Variants in KCNQ3 observed in about 807,000 individuals in gnomAD.
KCNQ3 encodes potassium voltage-gated channel subfamily KQT member 3.
KCNQ3 carries 30 observed loss-of-function variants against 92.5 expected under a neutral mutation model. The observed-to-expected ratio is 0.32, with a 90% confidence interval of 0.24 to 0.44. KCNQ3 has a LOEUF of 0.44. KCNQ3 is among the 20% of genes least tolerant of loss of function. The probability of loss-of-function intolerance (pLI) is 1.00; values close to 1 mark genes in which losing one functional copy is unlikely to be tolerated. For synonymous variants in KCNQ3, 450 were observed against 468.8 expected (o/e 0.96, Z 0.52); for missense variants, 913 against 1,140.3 (o/e 0.80, Z 2.87).
intron 1 of KCNQ3, among the ~76,000 whole-genome samples, chr8:132,257,567 A>C (rs1815629091): frequency 6.6e-6 from 1 of 151,940 alleles, no homozygotes; most frequent in Non-Finnish European, 1.5e-5. Context: ...AACATGGTGA[A>C]ACCCCATCTC....
intron 1 of KCNQ3, among the ~76,000 whole-genome samples, chr8:132,195,489 A>G (rs968265555): frequency 2.0e-5 from 3 of 152,246 alleles, no homozygotes; most frequent in Non-Finnish European, 4.4e-5. Context: ...GGAAAGAGGC[A>G]GCAAGAGCTG....
At chr8:132,218,857 G>A (rs941968521) in intron 1 of KCNQ3, among the ~76,000 whole-genome samples, 12 of 152,150 alleles carry the variant, frequency 7.9e-5, no homozygotes, top group East Asian at 3.9e-4. Context: ...AGAAACACAT[G>A]GAGGCCCAGT....
At chr8:132,359,091 T>C (rs1164174105) in intron 1 of KCNQ3, among the ~76,000 whole-genome samples, 1 of 152,202 alleles carries the variant, frequency 6.6e-6, no homozygotes, top group African/African-American at 2.4e-5. Flanking sequence ...ATATCCTCAT[T>C]TCCTTATCTG....
At chr8:132,427,707 C>G (rs555077546) in intron 1 of KCNQ3, among the ~76,000 whole-genome samples, 1 of 152,290 alleles carries the variant, frequency 6.6e-6, no homozygotes, top group South Asian at 2.1e-4. Flanking sequence ...CCAGAATTAC[C>G]TGGTGAGGTG....
At chr8:132,438,649 TG>T (rs552873166) in intron 1 of KCNQ3, among the ~76,000 whole-genome samples, 104 of 152,044 alleles carry the variant, frequency 6.8e-4, no homozygotes, top group African/African-American at 2.4e-3. Flanking sequence ...AGCCCTGGCT[TG>T]GGTGGTCTGG....
intron 1 of KCNQ3, among the ~76,000 whole-genome samples, chr8:132,459,758 C>A (rs1370077884): frequency 6.7e-6 from 1 of 148,780 alleles, no homozygotes; most frequent in African/African-American, 2.5e-5. Flanking sequence ...TTTTAATTCC[C>A]TTTTCATACC....
chr8:132,270,943 G>A (rs1017734480), intron 1 of KCNQ3, among the ~76,000 whole-genome samples: 5 of 152,266 alleles, frequency 3.3e-5, no homozygotes, highest in African/African-American at 1.2e-4. Context: ...TTAAAATTTG[G>A]GAAGTGCCAA....
At chr8:132,374,981 T>C (rs1346029656) in intron 1 of KCNQ3, among the ~76,000 whole-genome samples, 1 of 152,230 alleles carries the variant, frequency 6.6e-6, no homozygotes, top group Non-Finnish European at 1.5e-5. Context: ...AGGGCTGCAG[T>C]GAACATTCAT....
chr8:132,279,836 G>A (rs771102164), intron 1 of KCNQ3, among the ~76,000 whole-genome samples: 17 of 146,812 alleles, frequency 1.2e-4, no homozygotes, highest in Non-Finnish European at 2.1e-4. Flanking sequence ...ATATATGTGC[G>A]TGTATGTGTA....
At chr8:132,313,320 G>A (rs1358431467) in intron 1 of KCNQ3, among the ~76,000 whole-genome samples, 2 of 152,180 alleles carry the variant, frequency 1.3e-5, no homozygotes, top group African/African-American at 4.8e-5. Flanking sequence ...TGGTCTCTGT[G>A]AAACAGAAAT....
rs567310003 is a variant in KCNQ3 at position 132,227,179 on chromosome 8, C to T, written c.387-40998G>A. ...CCTGGTTCAACTGATTCTCCTGGCT[C>T]AGCCTCCCAGTAGCTGGGACTACAG... On this transcript the variant is annotated intron_variant, in intron 1 of 14. Coordinates refer to ENST00000388996, the MANE Select transcript of KCNQ3 (RefSeq NM_004519.4). Among the ~76,000 whole-genome samples the T allele has an allele frequency of 2.0e-5, 3 of 151,596 alleles. No individual in the cohort carries two copies. In the South Asian group the frequency reaches 6.3e-4, roughly 32 times the overall value.
At chr8:132,222,039 T>C (rs1207938803) in intron 1 of KCNQ3, among the ~76,000 whole-genome samples, 3 of 152,182 alleles carry the variant, frequency 2.0e-5, no homozygotes, top group African/African-American at 7.2e-5. Flanking sequence ...ACAAAAGCAA[T>C]GGCAACAAAA....
rs1310042702 is a variant in KCNQ3 at position 132,186,944 on chromosome 8, G to C, written c.387-763C>G. 4.3e-5 allele frequency among the ~76,000 whole-genome samples: 5 copies of C among 116,418 alleles called. No individual in the cohort carries two copies. The South Asian group carries it at 1.4e-3, about 32-fold the overall frequency. The allele number at this position is 116,418 out of a possible 152,430, so 76.4% of individuals were successfully genotyped here. A position where few individuals can be genotyped will look rare whatever the true frequency, so the allele number is the denominator to read the frequency against. ...TGTGTGTGTGTGTGTGAGAGAGAGAGAGAGAGAGAGACAGAGAGAGAGAGA... is the reference window on the plus strand; with the variant it reads ...TGTGTGTGTGTGTGTGAGAGAGAGACAGAGAGAGAGACAGAGAGAGAGAGA... On this transcript the variant is annotated intron_variant, in intron 1 of 14. Transcript: ENST00000388996.
At chr8:132,240,491 C>T (rs1009713741) in intron 1 of KCNQ3, among the ~76,000 whole-genome samples, 1 of 152,062 alleles carries the variant, frequency 6.6e-6, no homozygotes. Context: ...CGGCCCATGC[C>T]ATGATTCTTA....
At chr8:132,302,461 C>T (rs558155147) in intron 1 of KCNQ3, among the ~76,000 whole-genome samples, 13 of 152,326 alleles carry the variant, frequency 8.5e-5, no homozygotes, top group Admixed American at 3.3e-4. Context: ...TGATCCACCT[C>T]GCCCCTGTTG....
intron 1 of KCNQ3, among the ~76,000 whole-genome samples, chr8:132,323,488 C>A (rs1817953001): frequency 6.6e-6 from 1 of 152,184 alleles, no homozygotes; most frequent in South Asian, 2.1e-4. Context: ...TGGTCGCTTA[C>A]AGAAAAAGTT....
intron 1 of KCNQ3, among the ~76,000 whole-genome samples, chr8:132,293,362 C>G (rs1816915083): frequency 6.6e-6 from 1 of 152,064 alleles, no homozygotes; most frequent in African/African-American, 2.4e-5. Context: ...CCTATGGGAC[C>G]TGACACTATC....
At chr8:132,202,736 A>G (rs1278504111) in intron 1 of KCNQ3, among the ~76,000 whole-genome samples, 2 of 152,070 alleles carry the variant, frequency 1.3e-5, no homozygotes, top group Non-Finnish European at 1.5e-5. Flanking sequence ...GGCTTTTACC[A>G]CTTGTATTAC....
intron 1 of KCNQ3, among the ~76,000 whole-genome samples, chr8:132,375,767 C>A (rs1337096638): frequency 1.3e-5 from 2 of 152,166 alleles, no homozygotes; most frequent in Non-Finnish European, 2.9e-5. Flanking sequence ...CTTCTCCTGG[C>A]CCACTCCTTT....
Sources: gnomAD v4.1 joint callset for allele counts (sites outside exome capture counted in the v4.1 genomes callset) on GRCh38, gnomAD v4.1.1 for gene constraint, MANE v1.5 for transcripts, NCBI Gene and HGNC (gene_info 2026-07-23, HGNC 2026-07-21) for gene names.